Variants in CLCN3 observed in about 807,000 individuals in gnomAD.
CLCN3 encodes the protein Cl-/H+ antiporter 3.
In CLCN3, 16 loss-of-function variants were observed where a neutral mutation model predicts 83.4. The ratio of observed to expected loss-of-function variants is 0.19; its 90% CI spans 0.13 to 0.29. The LOEUF (loss-of-function observed/expected upper bound fraction) is 0.29, where lower values mean the gene tolerates loss of function less well. CLCN3 is among the 10% of genes least tolerant of loss of function. CLCN3 has a pLI of 1.00. For synonymous variants in CLCN3, 322 were observed against 346.2 expected (o/e 0.93, Z 0.78); for missense variants, 544 against 1,006.0 (o/e 0.54, Z 6.21).
intron 3 of CLCN3, chr4:169,680,439 C>T: frequency 2.7e-6 from 1 of 371,990 alleles, no homozygotes. Flanking sequence ...CAAAGAAATA[C>T]AATAAGAAGA....
At chr4:169,682,323 A>T (rs975925109) in intron 3 of CLCN3, among the ~76,000 whole-genome samples, 2 of 152,226 alleles carry the variant, frequency 1.3e-5, no homozygotes, top group Non-Finnish European at 2.9e-5. Flanking sequence ...AGTGATAGAT[A>T]CAAGTTTCCT....
chr4:169,706,737 T>A, intron 10 of CLCN3, 131 bp from the exon 11 acceptor site: 1 of 674,012 alleles, frequency 1.5e-6, no homozygotes, highest in Non-Finnish European at 2.6e-6. Context: ...GTAGCAGTTT[T>A]AGATGCTAAT....
Position 169,684,034 on chromosome 4 carries a change from C to T in CLCN3, c.319-3624C>T, listed in dbSNP as rs529156338. 2.6e-4 allele frequency among the ~76,000 whole-genome samples: 39 copies of T among 152,328 alleles called. No homozygotes were observed. The South Asian group carries it at 7.7e-3, about 30-fold the overall frequency. On this transcript the variant is annotated intron_variant, in intron 3 of 12. Transcript: ENST00000513761. ...TTGGGATTACAGGTGGGAGCCACTG[C>T]GCCCGGCCTACATTAAATTTTAAAG...
Position 169,721,348 on chromosome 4 carries a change from C to T in CLCN3, c.*1351C>T, listed in dbSNP as rs1733633219. On this transcript the variant is annotated 3_prime_UTR_variant, in exon 13 of 13. Coordinates refer to ENST00000513761, the MANE Select transcript of CLCN3 (RefSeq NM_001829.4). ...AGGTTTAAAAAAAGGTTGTGGTTCT[C>T]TCTCTGTGATCCAGTGTGCACATAA... 6.6e-6 allele frequency: 1 copy of T among 152,146 alleles called. No individual in the cohort carries two copies. The allele number at this position is 152,146 out of a possible 1,614,324, so 9.4% of individuals were successfully genotyped here. A position where few individuals can be genotyped will look rare whatever the true frequency, so the allele number is the denominator to read the frequency against.
chr4:169,620,654 G>A lies in CLCN3; in HGVS notation c.-426G>A. The A allele has an allele frequency of 2.5e-6, 1 of 397,984 alleles. No homozygotes were observed. Among genetic ancestry groups the A allele is most frequent in the Non-Finnish European group, 4.4e-6 (1 of 226,094 alleles). 24.7% of individuals were successfully genotyped at this position (397,984 alleles called of 1,614,324 possible). A position where few individuals can be genotyped will look rare whatever the true frequency, so the allele number is the denominator to read the frequency against. On this transcript the variant is annotated 5_prime_UTR_variant, in exon 1 of 13. Transcript: ENST00000513761. ...TTTCCCAGTGTTCTAGTTCGCCCGT[G>A]ACCCGGAATAATGAGCAAGGAGGGT...
At chr4:169,689,698 AT>A (rs1732292061) in intron 5 of CLCN3, among the ~76,000 whole-genome samples, 1 of 152,212 alleles carries the variant, frequency 6.6e-6, no homozygotes, top group South Asian at 2.1e-4. Context: ...TACAAAGAAC[AT>A]TTTAGAACTT....
intron 2 of CLCN3, among the ~76,000 whole-genome samples, chr4:169,639,243 G>T (rs149910179): frequency 1.3e-5 from 2 of 152,150 alleles, no homozygotes; most frequent in African/African-American, 4.8e-5. Flanking sequence ...TGTTGCCCAG[G>T]CTGGTTTTGA....
At chr4:169,674,179 G>GTTCC (rs1731588643) in intron 2 of CLCN3, among the ~76,000 whole-genome samples, 1 of 152,090 alleles carries the variant, frequency 6.6e-6, no homozygotes, top group Non-Finnish European at 1.5e-5. Flanking sequence ...ATCTAGAACC[G>GTTCC]TTCCTCAGTT....
At chr4:169,717,748 A>T in intron 12 of CLCN3, 1 of 1,271,820 alleles carries the variant, frequency 7.9e-7, no homozygotes, top group African/African-American at 1.5e-5. Context: ...AAACTCTTTT[A>T]ATTTAATTTC....
chr4:169,643,617 C>T (rs1730486182), intron 2 of CLCN3, among the ~76,000 whole-genome samples: 1 of 151,578 alleles, frequency 6.6e-6, no homozygotes, highest in African/African-American at 2.4e-5. Flanking sequence ...ACTGCAGCCT[C>T]GACCTCCATG....
At chr4:169,695,738 TA>T (rs753451681) in intron 8 of CLCN3, 46 bp downstream of exon 8, 1 of 1,253,748 alleles carries the variant, frequency 8.0e-7, no homozygotes. Flanking sequence ...TAATTACCAT[TA>T]CAAATATATT....
intron 5 of CLCN3, 83 bp downstream of exon 5, chr4:169,689,313 A>G: frequency 8.7e-7 from 1 of 1,153,272 alleles, no homozygotes; most frequent in Non-Finnish European, 1.2e-6. Context: ...AACTAATCAC[A>G]TATTAGATGA....
intron 12 of CLCN3, among the ~76,000 whole-genome samples, chr4:169,714,519 G>A (rs893260344): frequency 1.3e-5 from 2 of 152,076 alleles, no homozygotes; most frequent in Non-Finnish European, 2.9e-5. Flanking sequence ...GTCATGTGGT[G>A]AACAAGTCAT....
At position 169,721,744 on chromosome 4, in the gene CLCN3, C is replaced by T. The variant is rs550465100; in HGVS notation, c.*1747C>T. The T allele has an allele frequency of 5.9e-5, 9 of 152,282 alleles. No individual in the cohort carries two copies. The highest frequency in any genetic ancestry group is 2.2e-4 in the African/African-American group (9 of 41,556). The allele number at this position is 152,282 out of a possible 1,614,324, so 9.4% of individuals were successfully genotyped here. A position where few individuals can be genotyped will look rare whatever the true frequency, so the allele number is the denominator to read the frequency against. On this transcript the variant is annotated 3_prime_UTR_variant, in exon 13 of 13. Coordinates refer to ENST00000513761, the MANE Select transcript of CLCN3 (RefSeq NM_001829.4). The stretch of plus-strand genomic sequence containing the variant: ...TGGAATTGTCTGTTTTAATCACAGC[C>T]TTAATTCACAATTGGCAAAGGCAGT...
Position 169,697,581 on chromosome 4 carries a change from T to C in CLCN3, c.1410T>C (p.Ser470=), listed in dbSNP as rs746762127. The change falls in exon 9 of 13, where the codon TCT becomes TCC. Residue 470 remains serine, a synonymous_variant. Coordinates refer to ENST00000513761, the MANE Select transcript of CLCN3 (RefSeq NM_001829.4). The part of the protein sequence containing the change: ...FTDCGPLESS[S]LCDYRNDMNA... ...ACTGTGGTCCCCTGGAATCCTCTTC[T>C]CTTTGTGACTACAGAAATGACATGA... The C allele has an allele frequency of 6.2e-7, 1 of 1,614,196 alleles. No individual in the cohort carries two copies. The highest frequency in any genetic ancestry group is 1.1e-5 in the South Asian group (1 of 91,078).
chr4:169,622,718 TG>T (rs923737227), intron 1 of CLCN3, among the ~76,000 whole-genome samples: 8 of 152,188 alleles, frequency 5.3e-5, no homozygotes, highest in African/African-American at 1.4e-4. Flanking sequence ...TTAACTAACT[TG>T]CCCTACAGTA....
intron 9 of CLCN3, among the ~76,000 whole-genome samples, chr4:169,699,743 G>A (rs1363943773): frequency 5.9e-5 from 9 of 152,002 alleles, no homozygotes; most frequent in Admixed American, 1.3e-4. Context: ...TTAGCCAGGC[G>A]TGGTGGCAGG....
At chr4:169,715,657 C>A (rs1003301290) in intron 12 of CLCN3, among the ~76,000 whole-genome samples, 8 of 151,960 alleles carry the variant, frequency 5.3e-5, no homozygotes, top group Middle Eastern at 3.4e-3. Context: ...AAATCTGGAA[C>A]CTTAGGTGCA....
intron 12 of CLCN3, among the ~76,000 whole-genome samples, chr4:169,714,940 G>A (rs1733369656): frequency 1.3e-5 from 2 of 152,102 alleles, no homozygotes; most frequent in Non-Finnish European, 2.9e-5. Flanking sequence ...TAAAAACTCA[G>A]TACTAGTTAA....
Sources: allele counts gnomAD v4.1 joint callset (sites outside exome capture counted in the v4.1 genomes callset), GRCh38; gene constraint gnomAD v4.1.1; transcripts MANE v1.5; gene names NCBI Gene and HGNC (gene_info 2026-07-23, HGNC 2026-07-21).